FAT4: variants seen among roughly 807,000 people sequenced by gnomAD.
FAT4 encodes FAT atypical cadherin 4.
FAT4 carries 84 observed loss-of-function variants against 303.9 expected under a neutral mutation model. That is an observed-to-expected ratio of 0.28 (90% CI 0.23 to 0.33). The LOEUF (loss-of-function observed/expected upper bound fraction) is 0.33. Among genes scored for constraint, FAT4 ranks in the 10% least tolerant of loss-of-function variants. The probability of loss-of-function intolerance (pLI) is 1.00; values close to 1 mark genes in which losing one functional copy is unlikely to be tolerated. For missense variants in FAT4, 6,005 were observed against 6,146.8 expected, an observed-to-expected ratio of 0.98 and a Z score of 0.77; for synonymous variants, 2,307 against 2,298.8, an observed-to-expected ratio of 1.00 and a Z score of -0.10.
intron 2 of FAT4, among the ~76,000 whole-genome samples, chr4:125,363,173 A>G (rs1214581034): frequency 6.6e-6 from 1 of 152,120 alleles, no homozygotes; most frequent in Non-Finnish European, 1.5e-5. Flanking sequence ...TGTCCTTAGG[A>G]ATAAATGCAT....
Position 125,415,143 on chromosome 4 carries a change from A to T in FAT4, c.6180A>T (p.Pro2060=). Residue 2060 remains proline, a synonymous_variant, in exon 6 of 18, where the codon CCA becomes CCT. Transcript: ENST00000394329. ...TFLSPKLTYI[P]ENTPIDTVVF... is the part of the protein sequence containing the mutation. ...TTTCCCCTAAATTGACATACATTCC[A>T]GAAAATACACCTATTGATACTGTTG... 6.2e-7 allele frequency: 1 copy of T among 1,614,066 alleles called. No individual in the cohort carries two copies. The highest frequency in any genetic ancestry group is 8.5e-7 in the Non-Finnish European group (1 of 1,179,970).
chr4:125,367,517 A>G (rs546916976), intron 2 of FAT4, among the ~76,000 whole-genome samples: 13 of 152,156 alleles, frequency 8.5e-5, no homozygotes, highest in Non-Finnish European at 1.9e-4. Context: ...GCACCTATTA[A>G]CGTGCCAAGA....
intron 17 of FAT4, among the ~76,000 whole-genome samples, chr4:125,489,511 C>G (rs994592123): frequency 1.3e-5 from 2 of 152,002 alleles, no homozygotes; most frequent in East Asian, 3.9e-4. Context: ...ATTTCATGTT[C>G]TTTACAAATT....
intron 2 of FAT4, among the ~76,000 whole-genome samples, chr4:125,333,698 T>C (rs1284780943): frequency 6.6e-6 from 1 of 152,214 alleles, no homozygotes; most frequent in Non-Finnish European, 1.5e-5. Context: ...GTGATTAAAA[T>C]GCTTAGCACC....
rs1459171216 is a variant in FAT4 at position 125,492,701 on chromosome 4, CA to C, written c.*934del. 1 of 152,412 alleles carries C rather than the reference CA, an allele frequency of 6.6e-6. No homozygotes were observed. The allele number at this position is 152,412 out of a possible 1,614,324, so 9.4% of individuals were successfully genotyped here. A position where few individuals can be genotyped will look rare whatever the true frequency, so the allele number is the denominator to read the frequency against. On this transcript the variant is annotated 3_prime_UTR_variant, in exon 18 of 18. Coordinates refer to ENST00000394329, the MANE Select transcript of FAT4 (RefSeq NM_001291303.3). ...ACACTTACTTTGTCATTTTGTAGATCATTTTTTTAAAATACTGTGTAAAAAC... is the reference window on the plus strand; with the variant it reads ...ACACTTACTTTGTCATTTTGTAGATCTTTTTTTAAAATACTGTGTAAAAAC...
chr4:125,321,680 GT>G, intron 2 of FAT4, 94 bp downstream of exon 2: 1 of 1,243,948 alleles, frequency 8.0e-7, no homozygotes, highest in Non-Finnish European at 1.1e-6. Flanking sequence ...TACCTTCATT[GT>G]TTATTGTTAA....
chr4:125,375,981 C>T (rs1319187108), intron 2 of FAT4, among the ~76,000 whole-genome samples: 1 of 152,148 alleles, frequency 6.6e-6, no homozygotes, highest in East Asian at 1.9e-4. Flanking sequence ...TGACTAATAG[C>T]GTCAAGACTA....
intron 2 of FAT4, among the ~76,000 whole-genome samples, chr4:125,373,410 G>T (rs542706173): frequency 6.6e-6 from 1 of 152,160 alleles, no homozygotes; most frequent in African/African-American, 2.4e-5. Flanking sequence ...GAAATGTAGA[G>T]ATCAGAATAT....
rs1734638589 is a variant in FAT4, at chr4:125,406,962, T to C, written c.5390T>C (p.Ile1797Thr). The change falls in exon 4 of 18, where the codon ATA (isoleucine) becomes ACA (threonine). Residue 1797 changes from isoleucine to threonine, a missense_variant. By Grantham distance (89) the Ile-to-Thr change is moderately conservative. Coordinates refer to ENST00000394329, the MANE Select transcript of FAT4 (RefSeq NM_001291303.3). Reference sequence around the variant, plus strand: ...ATCGACCCAGAATCCGGAGATCTGATAGCAACCAGGCGGTTGGACAGGGAA... The same window carrying C: ...ATCGACCCAGAATCCGGAGATCTGACAGCAACCAGGCGGTTGGACAGGGAA... ...FRIDPESGDLIATRRLDRERR... is the reference protein window; with the variant it reads ...FRIDPESGDLTATRRLDRERR... 6.2e-7 allele frequency: 1 copy of C among 1,613,740 alleles called. No individual in the cohort carries two copies. The highest frequency in any genetic ancestry group is 1.3e-5 in the African/African-American group (1 of 74,882).
intron 11 of FAT4, 48 bp downstream of exon 11, chr4:125,463,715 C>A: frequency 7.7e-7 from 1 of 1,302,870 alleles, no homozygotes. Flanking sequence ...TATTTTTGCA[C>A]ACAGTTTAGC....
At chr4:125,478,238 C>T (rs114235331) in intron 14 of FAT4, among the ~76,000 whole-genome samples, 4,926 of 152,114 alleles carry the variant, frequency 0.032, 113 homozygotes, top group Middle Eastern at 0.075. Context: ...CCTTTCTTTT[C>T]CTACATGTTG....
chr4:125,354,471 A>T (rs1732350978), intron 2 of FAT4, among the ~76,000 whole-genome samples: 1 of 151,722 alleles, frequency 6.6e-6, no homozygotes, highest in African/African-American at 2.4e-5. Context: ...TTCTTTGCTG[A>T]TGGAATATTG....
intron 7 of FAT4, 115 bp downstream of exon 7, chr4:125,416,737 G>C: frequency 2.0e-6 from 2 of 992,454 alleles, no homozygotes; most frequent in Non-Finnish European, 3.0e-6. Flanking sequence ...CTTGAGGTCG[G>C]GAGTTCAAGA....
intron 16 of FAT4, among the ~76,000 whole-genome samples, chr4:125,487,099 A>T (rs530519046): frequency 6.6e-6 from 1 of 152,280 alleles, no homozygotes; most frequent in African/African-American, 2.4e-5. Flanking sequence ...CTGGAAAATA[A>T]TTCATCAAGT....
intron 2 of FAT4, among the ~76,000 whole-genome samples, chr4:125,357,009 A>G (rs944456018): frequency 3.9e-5 from 6 of 152,128 alleles, no homozygotes; most frequent in African/African-American, 1.4e-4. Context: ...ATATCTCAGT[A>G]TAGCTCCCCC....
At chr4:125,350,425 G>A (rs982760529) in intron 2 of FAT4, among the ~76,000 whole-genome samples, 1 of 151,702 alleles carries the variant, frequency 6.6e-6, no homozygotes, top group African/African-American at 2.4e-5. Flanking sequence ...TTTCAAAGCT[G>A]TGTTCCTTAA....
At position 125,452,312 on chromosome 4, in the gene FAT4, G is replaced by A; in HGVS notation, c.11302G>A (p.Val3768Met). 1 of 1,614,222 alleles carries A rather than the reference G, an allele frequency of 6.2e-7. No homozygotes were observed. The highest frequency in any genetic ancestry group is 8.5e-7 in the Non-Finnish European group (1 of 1,180,036). Reference sequence around the variant, plus strand: ...CAATAGAACGTTTCTTTTGGCAGCTGTGAAGCGAAATCATAATCAGTATGT... The same window carrying A: ...CAATAGAACGTTTCTTTTGGCAGCTATGAAGCGAAATCATAATCAGTATGT... ...ENNRTFLLAA[V>M]KRNHNQYVNP... The change falls in exon 10 of 18, where the codon GTG becomes ATG. Residue 3768 changes from valine to methionine, a missense_variant. Transcript: ENST00000394329.
At chr4:125,430,157 T>TAA (rs10537393) in intron 7 of FAT4, among the ~76,000 whole-genome samples, 2 of 143,864 alleles carry the variant, frequency 1.4e-5, no homozygotes, top group African/African-American at 5.1e-5. Flanking sequence ...ACTTAAAGTA[T>TAA]AAAAAAAAAA....
intron 2 of FAT4, among the ~76,000 whole-genome samples, chr4:125,392,031 T>G (rs1733995194): frequency 6.6e-6 from 1 of 152,142 alleles, no homozygotes; most frequent in East Asian, 1.9e-4. Flanking sequence ...AATATAGAAG[T>G]CTCTAATTTA....
Sources: gnomAD v4.1 joint callset for allele counts (sites outside exome capture counted in the v4.1 genomes callset) on GRCh38, gnomAD v4.1.1 for gene constraint, MANE v1.5 for transcripts, NCBI Gene and HGNC (gene_info 2026-07-23, HGNC 2026-07-21) for gene names.